Variants in TUBGCP3 observed in about 807,000 individuals in gnomAD.
TUBGCP3 encodes the protein gamma-tubulin complex component 3.
In TUBGCP3, 50 loss-of-function variants were observed where a neutral mutation model predicts 123.1. The observed-to-expected ratio is 0.41, with a 90% CI of 0.32 to 0.51. The LOEUF is 0.51. Ranked by LOEUF, TUBGCP3 falls within the 20% of genes least tolerant of loss-of-function variation. The pLI is 0.36. For synonymous variants in TUBGCP3, 405 were observed against 413.9 expected (o/e 0.98, Z 0.26); for missense variants, 882 against 1,127.0 (o/e 0.78, Z 3.11).
intron 20 of TUBGCP3, 171 bp from the exon 21 acceptor site, chr13:112,489,868 T>C (rs1283629628): frequency 3.4e-6 from 2 of 584,404 alleles, no homozygotes; most frequent in Non-Finnish European, 6.1e-6. Context: ...TCCAGCTTAC[T>C]TTTTCCAGTT....
chr13:112,538,933 T>C (rs1878281897), intron 11 of TUBGCP3, among the ~76,000 whole-genome samples: 1 of 152,190 alleles, frequency 6.6e-6, no homozygotes, highest in Admixed American at 6.5e-5. Context: ...ACCAAATTCT[T>C]AGGGTAAAGA....
Position 112,539,965 on chromosome 13 carries a change from G to C in TUBGCP3, c.1335+5734C>G, listed in dbSNP as rs1239555921. ...ACCTGGGAGTGATGACGTCAATGTAGTAGCCTATGAGCCTTCAGGTGGTCT... is the reference window on the plus strand; with the variant it reads ...ACCTGGGAGTGATGACGTCAATGTACTAGCCTATGAGCCTTCAGGTGGTCT... On this transcript the variant is annotated intron_variant, in intron 11 of 21. Transcript: ENST00000261965. Among the ~76,000 whole-genome samples the C allele has an allele frequency of 2.0e-5, 3 of 146,658 alleles. No homozygotes were observed. In the East Asian group the frequency reaches 6.2e-4, roughly 30 times the overall value.
At chr13:112,547,525 G>A in intron 10 of TUBGCP3, 95 bp downstream of exon 10, 1 of 1,351,024 alleles carries the variant, frequency 7.4e-7, no homozygotes, top group Non-Finnish European at 9.6e-7. Context: ...AGACGCGCGT[G>A]GGAAAGACGT....
At chr13:112,562,318 C>G (rs1880581992) in intron 3 of TUBGCP3, among the ~76,000 whole-genome samples, 1 of 152,158 alleles carries the variant, frequency 6.6e-6, no homozygotes, top group African/African-American at 2.4e-5. Context: ...CAGCCAGGGG[C>G]CACTAGGGGA....
In TUBGCP3 at chr13:112,522,918, C is replaced by T. The variant is rs555522325; in HGVS notation, c.1556-409G>A. ...AATAAGCTTTGTGAATTGTACAACT[C>T]GCAAAAGTTGAGTAGTAGTATCATG... is the stretch of plus-strand genomic sequence containing the variant. On this transcript the variant is annotated intron_variant, in intron 13 of 21. Coordinates refer to ENST00000261965, the MANE Select transcript of TUBGCP3 (RefSeq NM_006322.6). Among the ~76,000 whole-genome samples the T allele has an allele frequency of 2.0e-5, 3 of 152,312 alleles. No homozygotes were observed. The East Asian group carries it at 5.8e-4, about 29-fold the overall frequency.
intron 13 of TUBGCP3, 96 bp from the exon 14 acceptor site, chr13:112,522,605 C>T (rs1039668339): frequency 8.0e-7 from 1 of 1,243,624 alleles, no homozygotes; most frequent in Non-Finnish European, 1.1e-6. Flanking sequence ...CAGGGCCAAC[C>T]ACTGCCTGTG....
At chr13:112,500,925 T>C (rs1022072935) in intron 19 of TUBGCP3, among the ~76,000 whole-genome samples, 4 of 152,268 alleles carry the variant, frequency 2.6e-5, no homozygotes, top group African/African-American at 9.6e-5. Context: ...TGATGTCTGA[T>C]CTCAAGTGAG....
intron 11 of TUBGCP3, among the ~76,000 whole-genome samples, chr13:112,542,012 A>C (rs900582796): frequency 9.8e-5 from 15 of 152,360 alleles, no homozygotes; most frequent in African/African-American, 3.6e-4. Flanking sequence ...ATGGATGATA[A>C]GAAGATACAC....
chr13:112,543,120 AG>A (rs1168321940), intron 11 of TUBGCP3, among the ~76,000 whole-genome samples: 2 of 152,224 alleles, frequency 1.3e-5, no homozygotes, highest in African/African-American at 4.8e-5. Flanking sequence ...ACTGCACTCC[AG>A]CCTGGACAAC....
At chr13:112,495,390 C>T (rs1239177751) in intron 20 of TUBGCP3, among the ~76,000 whole-genome samples, 2 of 152,184 alleles carry the variant, frequency 1.3e-5, no homozygotes, top group African/African-American at 4.8e-5. Context: ...CTCACTCTGT[C>T]TCAGGGATGT....
chr13:112,595,387 C>T, the TUBGCP3 span, among the ~76,000 whole-genome samples: 4 of 152,066 alleles, frequency 2.6e-5, no homozygotes, highest in Admixed American at 2.6e-4. Flanking sequence ...TTAGTAGAGA[C>T]GGGGTTTCAC....
chr13:112,594,869 T>C, the TUBGCP3 span, among the ~76,000 whole-genome samples: 1 of 152,186 alleles, frequency 6.6e-6, no homozygotes, highest in Non-Finnish European at 1.5e-5. Flanking sequence ...TGTTTGGAGA[T>C]TTTCCTGTTA....
At chr13:112,525,331 T>C (rs952886117) in intron 13 of TUBGCP3, among the ~76,000 whole-genome samples, 8 of 152,206 alleles carry the variant, frequency 5.3e-5, no homozygotes, top group Non-Finnish European at 1.2e-4. Flanking sequence ...GCCTTCCTGT[T>C]GAGCCTTGCC....
intron 1 of TUBGCP3, among the ~76,000 whole-genome samples, chr13:112,570,891 CAGG>C (rs749454421): frequency 6.2e-4 from 94 of 152,222 alleles, no homozygotes; most frequent in Non-Finnish European, 8.5e-4. Context: ...AGCACTTCAG[CAGG>C]AGTAGATTCC....
chr13:112,509,949 A>G (rs542697100), intron 17 of TUBGCP3, among the ~76,000 whole-genome samples: 8 of 152,310 alleles, frequency 5.3e-5, no homozygotes, highest in African/African-American at 1.9e-4. Flanking sequence ...CACTCTGAAA[A>G]TATATTTTAG....
rs751571672 is a variant in TUBGCP3 at position 112,545,054 on chromosome 13, G to A, written c.1335+645C>T. On this transcript the variant is annotated intron_variant, in intron 11 of 21. Transcript: ENST00000261965. The surrounding 1 kb of genome is among the most constrained non-coding windows in gnomAD (Gnocchi z 4.1). The stretch of plus-strand genomic sequence containing the variant: ...CGACGGCCCACTCCCACAAGAAAGC[G>A]CCAGGGTTTTTCCAAGGCCAATGTG... 4.6e-5 allele frequency: 7 copies of A among 152,360 alleles called. No individual in the cohort carries two copies. The highest frequency in any genetic ancestry group is 2.0e-4 in the Admixed American group (3 of 15,288). The allele number at this position is 152,360 out of a possible 1,614,324, so 9.4% of individuals were successfully genotyped here. A position where few individuals can be genotyped will look rare whatever the true frequency, so the allele number is the denominator to read the frequency against.
chr13:112,503,884 C>A (rs1881098745), intron 19 of TUBGCP3, 148 bp downstream of exon 19: 2 of 1,039,964 alleles, frequency 1.9e-6, no homozygotes, highest in Non-Finnish European at 2.7e-6. Flanking sequence ...GAAACTGTAC[C>A]TTCAACAGTA....
In TUBGCP3 at chr13:112,525,306, C is replaced by T. The variant is rs184463854; in HGVS notation, c.1555+1636G>A. Among the ~76,000 whole-genome samples, 19 of 152,332 alleles carry T rather than the reference C, an allele frequency of 1.2e-4. 1 individual carries two copies. The highest frequency in any genetic ancestry group is 4.3e-4 in the African/African-American group (18 of 41,578). On this transcript the variant is annotated intron_variant, in intron 13 of 21. Coordinates refer to ENST00000261965, the MANE Select transcript of TUBGCP3 (RefSeq NM_006322.6). ...TCCTTCTCCATGGCCAGTGCAATTCCTGCCTCTTTCCAAAGCCTTCCTGTT... is the reference window on the plus strand; with the variant it reads ...TCCTTCTCCATGGCCAGTGCAATTCTTGCCTCTTTCCAAAGCCTTCCTGTT...
chr13:112,574,811 T>C (rs1881684279), intron 1 of TUBGCP3, among the ~76,000 whole-genome samples: 1 of 152,238 alleles, frequency 6.6e-6, no homozygotes, highest in African/African-American at 2.4e-5. Flanking sequence ...TGCTTTTTGA[T>C]ATTTTCTTTA....
Sources: gnomAD v4.1 joint callset for allele counts (sites outside exome capture counted in the v4.1 genomes callset) on GRCh38, gnomAD v4.1.1 for gene constraint, Gnocchi (gnomAD v3.1) non-coding constraint, MANE v1.5 for transcripts, NCBI Gene and HGNC (gene_info 2026-07-23, HGNC 2026-07-21) for gene names.